TECTA: variants seen among roughly 807,000 people sequenced by gnomAD.
TECTA encodes the protein tectorin alpha, also known as alpha-tectorin.
In TECTA, 128 loss-of-function variants were observed where a neutral mutation model predicts 216.8. That is an observed-to-expected ratio of 0.59 (90% CI 0.51 to 0.68). TECTA has a LOEUF of 0.68. Among genes scored for constraint, TECTA ranks in the 30% least tolerant of loss-of-function variants. The pLI, the probability that TECTA is intolerant of heterozygous loss-of-function variation, is 0.00. For missense variants in TECTA, 2,551 were observed against 2,786.2 expected (o/e 0.92, Z 1.90); for synonymous variants, 1,089 against 1,117.1 (o/e 0.97, Z 0.50).
intron 6 of TECTA, among the ~76,000 whole-genome samples, chr11:121,116,554 G>A (rs1946503909): frequency 6.6e-6 from 1 of 152,216 alleles, no homozygotes; most frequent in Admixed American, 6.5e-5. Flanking sequence ...TGAGTTATAG[G>A]TTTGGGTTTC....
intron 6 of TECTA, among the ~76,000 whole-genome samples, chr11:121,115,071 A>T (rs1294875308): frequency 1.6e-4 from 13 of 82,152 alleles, no homozygotes; most frequent in African/African-American, 6.5e-4. Context: ...CTACCCACCC[A>T]CCCATTCACC....
rs563717627 is a variant in TECTA at position 121,145,204 on chromosome 11, A to G, written c.3544-351A>G. Among the ~76,000 whole-genome samples the G allele has an allele frequency of 4.6e-5, 7 of 152,368 alleles. No homozygotes were observed. In the South Asian group the frequency reaches 1.4e-3, roughly 32 times the overall value. On this transcript the variant is annotated intron_variant, in intron 11 of 23. Transcript: ENST00000392793. Reference sequence around the variant, plus strand: ...TAAATTCCATGGTAGAGCTAGAAATAGAAACACAAGAGTTCTATGTTTTGG... The same window carrying G: ...TAAATTCCATGGTAGAGCTAGAAATGGAAACACAAGAGTTCTATGTTTTGG...
intron 8 of TECTA, 44 bp downstream of exon 8, chr11:121,125,916 G>A (rs768611399): frequency 2.3e-5 from 37 of 1,593,578 alleles, no homozygotes; most frequent in Non-Finnish European, 2.6e-5. Context: ...TCTTGTGCAG[G>A]GGGCAGGGAT....
chr11:121,162,549 G>A lies in TECTA; in HGVS notation c.5272+179G>A, dbSNP rs556821586. ...CGAGATTCAGTGACGGGCCCCTCCC[G>A]TGGAGCCTAACCCACCTACGGCTCC... is the stretch of plus-strand genomic sequence containing the variant. On this transcript the variant is annotated intron_variant, in intron 16 of 23. Coordinates refer to ENST00000392793, the MANE Select transcript of TECTA (RefSeq NM_005422.4). Among the ~76,000 whole-genome samples the A allele has an allele frequency of 9.2e-5, 14 of 152,312 alleles. No individual in the cohort carries two copies. The South Asian group carries it at 1.0e-3, about 11-fold the overall frequency.
chr11:121,183,437 A>G (rs1272568936), intron 20 of TECTA, among the ~76,000 whole-genome samples: 3 of 152,090 alleles, frequency 2.0e-5, no homozygotes, highest in Non-Finnish European at 4.4e-5. Flanking sequence ...AGCATTACGA[A>G]AGTCTGCAGT....
chr11:121,162,034 A>G (rs148522694), intron 15 of TECTA, 41 bp from the exon 16 acceptor site: 6 of 1,612,262 alleles, frequency 3.7e-6, no homozygotes, highest in Admixed American at 1.7e-5. Context: ...CTTCCATTGG[A>G]GATCTCAGAT....
Position 121,166,693 on chromosome 11 carries a change from T to C in TECTA, c.5499T>C (p.Asn1833=). 6.2e-7 allele frequency: 1 copy of C among 1,614,178 alleles called. No homozygotes were observed. The highest frequency in any genetic ancestry group is 8.5e-7 in the Non-Finnish European group (1 of 1,180,030). Residue 1833 remains asparagine, a synonymous_variant, in exon 18 of 24, where the codon AAT becomes AAC. Coordinates refer to ENST00000392793, the MANE Select transcript of TECTA (RefSeq NM_005422.4). ...LGFEREGVRI[N]DRQCTGIEGE... is the part of the protein sequence containing the mutation. ...TTGAGAGGGAGGGCGTGAGGATCAA[T>C]GACAGACAGTGCACCGGCATCGAGG...
chr11:121,143,538 G>A (rs1429917293), intron 11 of TECTA, among the ~76,000 whole-genome samples: 1 of 152,190 alleles, frequency 6.6e-6, no homozygotes, highest in Non-Finnish European at 1.5e-5. Context: ...TTTATCACAT[G>A]ATATTGTTAT....
intron 9 of TECTA, among the ~76,000 whole-genome samples, chr11:121,128,922 A>C (rs1893707): frequency 0.51 from 77,884 of 152,092 alleles, 20,554 homozygotes; most frequent in African/African-American, 0.63. Context: ...TAGAAGGAAT[A>C]TTGAGAATTA....
chr11:121,185,533 TGAAC>T (rs765657280), intron 20 of TECTA, among the ~76,000 whole-genome samples: 897 of 74,464 alleles, frequency 0.012, 1 homozygote, highest in South Asian at 0.036. Context: ...CAATGCTTAA[TGAAC>T]GAGTAGGGAA....
At chr11:121,170,953 T>C (rs530186886) in intron 20 of TECTA, among the ~76,000 whole-genome samples, 7 of 152,306 alleles carry the variant, frequency 4.6e-5, no homozygotes, top group Admixed American at 4.6e-4. Flanking sequence ...CATTTGTCTA[T>C]TTTTGCTTTG....
chr11:121,111,399 G>A (rs1946440564), intron 4 of TECTA, among the ~76,000 whole-genome samples: 1 of 152,198 alleles, frequency 6.6e-6, no homozygotes. Context: ...GCCTCCTGCG[G>A]GTATTGCTGA....
At chr11:121,182,834 C>T (rs991434290) in intron 20 of TECTA, among the ~76,000 whole-genome samples, 2 of 151,972 alleles carry the variant, frequency 1.3e-5, no homozygotes, top group East Asian at 1.9e-4. Flanking sequence ...CCAGATCCCT[C>T]GACAGGATAC....
At position 121,128,279 on chromosome 11, in the gene TECTA, G is replaced by C. The variant is rs202016102; in HGVS notation, c.2302G>C (p.Gly768Arg). 1.9e-6 allele frequency: 3 copies of C among 1,599,702 alleles called. No individual in the cohort carries two copies. The highest frequency in any genetic ancestry group is 2.5e-6 in the Non-Finnish European group (3 of 1,179,970). The change falls in exon 9 of 24, where the codon GGA (glycine) becomes CGA (arginine). Residue 768 changes from glycine to arginine, a missense_variant. Physicochemically the swap from Gly to Arg is moderately radical, Grantham distance 125. Around this residue, in one of 3 missense-constraint regions of TECTA, gnomAD observed 2,375 missense variants for 2,563.9 expected, o/e 0.93. Coordinates refer to ENST00000392793, the MANE Select transcript of TECTA (RefSeq NM_005422.4). ...KPDAGPAWLR[G>R]LRILVADQEV... ...CGATGCAGGACCTGCTTGGCTGCGG[G>C]GACTTCGGATCCTGGTGGCCGACCA...
At chr11:121,102,356 G>A (rs1946353776) in intron 1 of TECTA, among the ~76,000 whole-genome samples, 1 of 152,178 alleles carries the variant, frequency 6.6e-6, no homozygotes, top group African/African-American at 2.4e-5. Flanking sequence ...ATTTGATGCA[G>A]AGGGGATACC....
At chr11:121,109,575 G>A in intron 4 of TECTA, 77 bp downstream of exon 4, 1 of 1,558,922 alleles carries the variant, frequency 6.4e-7, no homozygotes, top group South Asian at 1.1e-5. Flanking sequence ...CCACGAAGGA[G>A]TCTAATTATT....
chr11:121,108,677 TA>T (rs1218121349), intron 3 of TECTA, among the ~76,000 whole-genome samples: 4 of 143,198 alleles, frequency 2.8e-5, no homozygotes, highest in African/African-American at 1.1e-4. Flanking sequence ...CATGCTCCAG[TA>T]TACACACACA....
In TECTA at chr11:121,104,518, C is replaced by T. The variant is rs149616453; in HGVS notation, c.65-1313C>T. ...AGCCCCTGGAAAGAAATTAGCCCTC[C>T]GTTGAGGCATAACTCCTCTTGCTCC... On this transcript the variant is annotated intron_variant, in intron 2 of 23. Coordinates refer to ENST00000392793, the MANE Select transcript of TECTA (RefSeq NM_005422.4). Among the ~76,000 whole-genome samples, 934 of 152,198 alleles carry T rather than the reference C, an allele frequency of 6.1e-3. 15 individuals are homozygous for T. Among genetic ancestry groups the T allele is most frequent in the African/African-American group, 0.02 (826 of 41,488 alleles).
intron 12 of TECTA, among the ~76,000 whole-genome samples, chr11:121,148,487 A>G (rs1393031471): frequency 6.6e-6 from 1 of 152,102 alleles, no homozygotes; most frequent in Non-Finnish European, 1.5e-5. Context: ...TACATTTTGA[A>G]TCTCAGAAGC....
Sources: gnomAD v4.1 joint callset for allele counts (sites outside exome capture counted in the v4.1 genomes callset) on GRCh38, gnomAD v4.1.1 for gene constraint, gnomAD v4.1.1 regional missense constraint, MANE v1.5 for transcripts, NCBI Gene and HGNC (gene_info 2026-07-23, HGNC 2026-07-21) for gene names.